Variants in ATP2C1 observed in about 807,000 individuals in gnomAD.
ATP2C1 encodes ATPase secretory pathway Ca2+ transporting 1, also known as calcium-transporting ATPase type 2C member 1.
Under a neutral mutation model 120.5 loss-of-function variants are expected in ATP2C1, and 31 were observed. The observed-to-expected ratio is 0.26, with a 90% CI of 0.19 to 0.35. The LOEUF (loss-of-function observed/expected upper bound fraction) is 0.35. Ranked by LOEUF, ATP2C1 falls within the 10% of genes least tolerant of loss-of-function variation. The pLI is 1.00. For synonymous variants in ATP2C1, 351 were observed against 358.7 expected (o/e 0.98, Z 0.24); for missense variants, 731 against 1,107.5 (o/e 0.66, Z 4.83).
At chr3:130,974,550 A>T (rs375990317) in intron 17 of ATP2C1, among the ~76,000 whole-genome samples, 3 of 152,206 alleles carry the variant, frequency 2.0e-5, no homozygotes, top group East Asian at 3.8e-4. Context: ...GAGAACTGGG[A>T]TATTTGTGAA....
chr3:130,910,854 A>G (rs956347882), intron 2 of ATP2C1, among the ~76,000 whole-genome samples: 5 of 76,960 alleles, frequency 6.5e-5, no homozygotes, highest in African/African-American at 2.0e-4. Flanking sequence ...TTTTGCCAGT[A>G]TTTTATTGAG....
At chr3:130,982,091 C>G (rs973657708) in intron 20 of ATP2C1, among the ~76,000 whole-genome samples, 1 of 152,124 alleles carries the variant, frequency 6.6e-6, no homozygotes, top group Admixed American at 6.5e-5. Flanking sequence ...AACTCCCTGC[C>G]TAACCCAGGT....
chr3:130,906,437 G>C lies in ATP2C1; in HGVS notation c.6+11662G>C, dbSNP rs75198633. ...ATATACACATTTTGTTTATTCATCA[G>C]TTTCTACTTTTTGTCAAAAAATAAC... On this transcript the variant is annotated intron_variant, in intron 2 of 27. Transcript: ENST00000510168. Among the ~76,000 whole-genome samples the C allele has an allele frequency of 7.7e-3, 1,176 of 152,130 alleles. 27 individuals carry two copies. The highest frequency in any genetic ancestry group is 0.064 in the East Asian group (333 of 5,172).
chr3:130,967,217 C>A lies in ATP2C1; in HGVS notation c.1195C>A (p.Pro399Thr). ...DGDVVHGFYN[P>T]AVSRIVEAGC... Reference sequence around the variant, plus strand: ...TGATGTTGTTCATGGATTCTATAACCCAGCTGTTAGCAGAATTGTTGAGGT... The same window carrying A: ...TGATGTTGTTCATGGATTCTATAACACAGCTGTTAGCAGAATTGTTGAGGT... Residue 399 changes from proline (P) to threonine (T), a missense_variant, in exon 15 of 28, where the codon CCA becomes ACA. By Grantham distance (38) the Pro-to-Thr change is conservative. Coordinates refer to ENST00000510168, the MANE Select transcript of ATP2C1 (RefSeq NM_001378687.1). 6.2e-7 allele frequency: 1 copy of A among 1,613,560 alleles called. No homozygotes were observed.
downstream of ATP2C1, among the ~76,000 whole-genome samples, chr3:131,008,008 T>G (rs1184109287): frequency 6.6e-6 from 1 of 152,226 alleles, no homozygotes; most frequent in Non-Finnish European, 1.5e-5. Flanking sequence ...CATTAGATTT[T>G]GTAAGTATTT....
chr3:130,942,776 T>G (rs1316923676), intron 8 of ATP2C1, among the ~76,000 whole-genome samples: 2 of 152,244 alleles, frequency 1.3e-5, no homozygotes. Context: ...ATGTTAATTC[T>G]TTTCTACTCT....
intron 26 of ATP2C1, among the ~76,000 whole-genome samples, chr3:130,998,786 T>C (rs1052200973): frequency 6.6e-6 from 1 of 152,264 alleles, no homozygotes; most frequent in Non-Finnish European, 1.5e-5. Flanking sequence ...CTATTTTTTT[T>C]CCCATCACTC....
At chr3:131,007,907 C>A (rs2063176802), downstream of ATP2C1, among the ~76,000 whole-genome samples, 1 of 152,134 alleles carries the variant, frequency 6.6e-6, no homozygotes, top group Non-Finnish European at 1.5e-5. Flanking sequence ...TACATTTAAG[C>A]ATTATTAGAT....
At chr3:130,898,640 T>TA (rs1229592764) in intron 2 of ATP2C1, among the ~76,000 whole-genome samples, 1 of 152,186 alleles carries the variant, frequency 6.6e-6, no homozygotes, top group Non-Finnish European at 1.5e-5. Context: ...TTGTATGCAA[T>TA]AACCTTCTGA....
chr3:130,903,673 T>TCTTTCCC (rs1289086754), intron 2 of ATP2C1, among the ~76,000 whole-genome samples: 5 of 148,588 alleles, frequency 3.4e-5, no homozygotes, highest in African/African-American at 1.0e-4. Flanking sequence ...TCCTTTTTCC[T>TCTTTCCC]CTTTCCCCTT....
At chr3:130,974,979 A>G (rs1003324381) in intron 17 of ATP2C1, among the ~76,000 whole-genome samples, 2 of 152,210 alleles carry the variant, frequency 1.3e-5, no homozygotes, top group Non-Finnish European at 2.9e-5. Context: ...GTAGATAGAT[A>G]TAGACGTATA....
chr3:130,959,268 C>T lies in ATP2C1; in HGVS notation c.833-7C>T. Reference sequence around the variant, plus strand: ...AAGGGAAAAATAACTATTTAATTATCTTTCAGGAATCATCATGTTGGTTGG... The same window carrying T: ...AAGGGAAAAATAACTATTTAATTATTTTTCAGGAATCATCATGTTGGTTGG... On this transcript the variant is annotated splice_polypyrimidine_tract_variant and splice_region_variant and intron_variant, in intron 11 of 27. Coordinates refer to ENST00000510168, the MANE Select transcript of ATP2C1 (RefSeq NM_001378687.1). The T allele has an allele frequency of 6.3e-7, 1 of 1,595,492 alleles. No homozygotes were observed. The highest frequency in any genetic ancestry group is 8.6e-7 in the Non-Finnish European group (1 of 1,163,872).
At chr3:130,921,243 G>A (rs896764767) in intron 2 of ATP2C1, among the ~76,000 whole-genome samples, 3 of 144,326 alleles carry the variant, frequency 2.1e-5, no homozygotes, top group African/African-American at 7.7e-5. Context: ...CACCACACCT[G>A]ACTAACTTTT....
At chr3:130,919,821 A>G (rs1323592636) in intron 2 of ATP2C1, among the ~76,000 whole-genome samples, 3 of 152,130 alleles carry the variant, frequency 2.0e-5, no homozygotes, top group Non-Finnish European at 4.4e-5. Flanking sequence ...CAGGATTCCA[A>G]TTTCTTCACA....
chr3:131,008,513 A>G (rs181790455), intron 26 of ATP2C1, among the ~76,000 whole-genome samples: 1 of 152,190 alleles, frequency 6.6e-6, no homozygotes, highest in East Asian at 1.9e-4. Flanking sequence ...AAGTTTTATT[A>G]GAACACAACT....
chr3:130,857,189 A>C (rs747473891), intron 1 of ATP2C1, among the ~76,000 whole-genome samples: 1 of 152,210 alleles, frequency 6.6e-6, no homozygotes, highest in Non-Finnish European at 1.5e-5. Context: ...TAAATGAGCT[A>C]TGTATTTACC....
At chr3:130,948,346 GT>G (rs374510888) in intron 8 of ATP2C1, among the ~76,000 whole-genome samples, 5,686 of 148,774 alleles carry the variant, frequency 0.038, 332 homozygotes, top group African/African-American at 0.13. Context: ...TTGGTTGACA[GT>G]TTTTTTTTTC....
chr3:131,016,644 A>C, exon 27 of ATP2C1: 2 of 386,702 alleles, frequency 5.2e-6, no homozygotes, highest in South Asian at 2.6e-5. Flanking sequence ...CTAAACCCTA[A>C]ATCTGTGTCT....
At chr3:130,977,801 CCT>C (rs1208215168) in intron 18 of ATP2C1, among the ~76,000 whole-genome samples, 1 of 152,106 alleles carries the variant, frequency 6.6e-6, no homozygotes, top group Non-Finnish European at 1.5e-5. Flanking sequence ...CCATCCTCCC[CCT>C]GAGATTACCG....
Sources: gnomAD v4.1 joint callset for allele counts (sites outside exome capture counted in the v4.1 genomes callset) on GRCh38, gnomAD v4.1.1 for gene constraint, MANE v1.5 for transcripts, NCBI Gene and HGNC (gene_info 2026-07-23, HGNC 2026-07-21) for gene names.